Variants in SDK1 observed in about 807,000 individuals in gnomAD.
SDK1 encodes sidekick cell adhesion molecule 1, also known as protein sidekick-1.
Under a neutral mutation model 245.5 loss-of-function variants are expected in SDK1, and 157 were observed. The ratio of observed to expected loss-of-function variants is 0.64; its 90% CI spans 0.56 to 0.73. SDK1 has a LOEUF of 0.73. Ranked by LOEUF, SDK1 falls within the 30% of genes least tolerant of loss-of-function variation. The probability of loss-of-function intolerance (pLI) is 0.00; values close to 1 mark genes in which losing one functional copy is unlikely to be tolerated. For synonymous variants in SDK1, 1,647 were observed against 1,278.5 expected (o/e 1.29, Z -6.15); for missense variants, 3,583 against 3,002.3 (o/e 1.19, Z -4.52).
chr7:4,190,921 C>G (rs899155697), intron 35 of SDK1, among the ~76,000 whole-genome samples: 1 of 152,172 alleles, frequency 6.6e-6, no homozygotes, highest in Non-Finnish European at 1.5e-5. Flanking sequence ...CGGGGAGGCT[C>G]CTTGCCCACA....
chr7:3,894,401 A>T (rs1380990802), intron 5 of SDK1, among the ~76,000 whole-genome samples: 1 of 151,766 alleles, frequency 6.6e-6, no homozygotes, highest in Non-Finnish European at 1.5e-5. Context: ...CCTGTACTGG[A>T]AGCTCCTGAC....
intron 1 of SDK1, among the ~76,000 whole-genome samples, chr7:3,358,184 G>A (rs374148775): frequency 4.6e-5 from 7 of 151,950 alleles, no homozygotes; most frequent in East Asian, 1.9e-4. Flanking sequence ...ACCACCCCCA[G>A]CTAATTTTTG....
chr7:3,968,118 G>A (rs1782216959), intron 10 of SDK1, among the ~76,000 whole-genome samples: 2 of 152,244 alleles, frequency 1.3e-5, no homozygotes, highest in African/African-American at 2.4e-5. Context: ...ACTGTTAAGT[G>A]GAGCTCTTCC....
intron 35 of SDK1, among the ~76,000 whole-genome samples, chr7:4,182,925 T>C (rs1214217809): frequency 6.6e-6 from 1 of 152,216 alleles, no homozygotes; most frequent in Non-Finnish European, 1.5e-5. Context: ...ACTGAGCCCA[T>C]GGTATTGCAG....
chr7:4,139,828 A>G (rs16871110), intron 28 of SDK1, among the ~76,000 whole-genome samples: 2,072 of 152,176 alleles, frequency 0.014, 52 homozygotes, highest in African/African-American at 0.047. Flanking sequence ...GCACCGCATC[A>G]GAGGGCCTCG....
intron 1 of SDK1, among the ~76,000 whole-genome samples, chr7:3,556,804 A>T (rs1241820635): frequency 6.6e-6 from 1 of 152,176 alleles, no homozygotes; most frequent in Non-Finnish European, 1.5e-5. Context: ...AAATAAATAA[A>T]TAAAAATAAA....
chr7:3,577,489 C>G (rs183385592), intron 1 of SDK1, among the ~76,000 whole-genome samples: 1 of 152,120 alleles, frequency 6.6e-6, no homozygotes, highest in East Asian at 1.9e-4. Context: ...CAGGATGGCT[C>G]TTTTCATGCT....
intron 40 of SDK1, among the ~76,000 whole-genome samples, chr7:4,223,078 G>A (rs766713267): frequency 1.2e-3 from 176 of 146,666 alleles, no homozygotes; most frequent in African/African-American, 4.8e-4. Flanking sequence ...GCAAGGCTCC[G>A]TCTCAAAAAA....
At chr7:4,040,099 G>C (rs964319824) in intron 17 of SDK1, among the ~76,000 whole-genome samples, 2 of 152,196 alleles carry the variant, frequency 1.3e-5, no homozygotes, top group African/African-American at 4.8e-5. Context: ...GTGAGGAGCA[G>C]GAGGAAAGAC....
At position 4,175,525 on chromosome 7, in the gene SDK1, G is replaced by T. The variant is rs534291528; in HGVS notation, c.4937-250G>T. On this transcript the variant is annotated intron_variant, in intron 33 of 44. Transcript: ENST00000404826. Reference sequence around the variant, plus strand: ...AACTAGCATGTTTCACTGAATCAGAGTGGTAAGCACACCCCGCCTGTCCGG... The same window carrying T: ...AACTAGCATGTTTCACTGAATCAGATTGGTAAGCACACCCCGCCTGTCCGG... 1.6e-3 allele frequency among the ~76,000 whole-genome samples: 247 copies of T among 152,360 alleles called. 1 individual carries two copies. The highest frequency in any genetic ancestry group is 2.6e-3 in the Admixed American group (40 of 15,304).
chr7:4,235,990 G>C (rs998668782), intron 41 of SDK1, among the ~76,000 whole-genome samples: 1 of 152,242 alleles, frequency 6.6e-6, no homozygotes, highest in African/African-American at 2.4e-5. Context: ...TTGCCGCATG[G>C]AGTACCAAAT....
At chr7:3,445,687 C>T (rs1780321839) in intron 1 of SDK1, among the ~76,000 whole-genome samples, 2 of 152,124 alleles carry the variant, frequency 1.3e-5, no homozygotes, top group Non-Finnish European at 2.9e-5. Context: ...CTTCCTTGAA[C>T]TCTTCTTACC....
At chr7:4,154,005 T>G (rs1780565918) in intron 30 of SDK1, among the ~76,000 whole-genome samples, 2 of 152,114 alleles carry the variant, frequency 1.3e-5, no homozygotes, top group Admixed American at 1.3e-4. Flanking sequence ...AAGAAACATT[T>G]TTAGTGCCTT....
rs187512913 is a variant in SDK1, at chr7:3,566,525, G to A, written c.299-52555G>A. Among the ~76,000 whole-genome samples, 254 of 152,008 alleles carry A rather than the reference G, an allele frequency of 1.7e-3. 1 individual carries two copies. Among genetic ancestry groups the A allele is most frequent in the African/African-American group, 5.9e-3 (243 of 41,468 alleles). ...CAGGCGTGAGCCACCACGCCCGGCCGATAAACTTCTTAAAAACATAAAGCA... is the reference window on the plus strand; with the variant it reads ...CAGGCGTGAGCCACCACGCCCGGCCAATAAACTTCTTAAAAACATAAAGCA... On this transcript the variant is annotated intron_variant, in intron 1 of 44. Transcript: ENST00000404826.
chr7:3,474,923 C>A (rs950491966), intron 1 of SDK1, among the ~76,000 whole-genome samples: 1 of 152,122 alleles, frequency 6.6e-6, no homozygotes, highest in African/African-American at 2.4e-5. Context: ...AACTCCTGGG[C>A]TCAAGTGAGC....
intron 1 of SDK1, among the ~76,000 whole-genome samples, chr7:3,371,946 G>C (rs1318102714): frequency 6.6e-6 from 1 of 152,178 alleles, no homozygotes; most frequent in African/African-American, 2.4e-5. Flanking sequence ...AGATAGAGCA[G>C]GTTGTGAAGA....
chr7:3,895,520 G>C (rs1781580554), intron 5 of SDK1, among the ~76,000 whole-genome samples: 1 of 152,220 alleles, frequency 6.6e-6, no homozygotes, highest in African/African-American at 2.4e-5. Context: ...TGGATGTAAA[G>C]CTGGAGACAG....
chr7:3,712,013 A>G (rs1040234047), intron 4 of SDK1, among the ~76,000 whole-genome samples: 3 of 152,214 alleles, frequency 2.0e-5, no homozygotes, highest in African/African-American at 7.2e-5. Flanking sequence ...ACAGTTCCAT[A>G]AGAACATGCA....
intron 1 of SDK1, among the ~76,000 whole-genome samples, chr7:3,440,861 G>T (rs1240864469): frequency 1.3e-5 from 2 of 152,152 alleles, no homozygotes. Flanking sequence ...ATTTGTGAGT[G>T]GAAGATACGA....
Sources: allele counts gnomAD v4.1 joint callset (sites outside exome capture counted in the v4.1 genomes callset), GRCh38; gene constraint gnomAD v4.1.1; transcripts MANE v1.5; gene names NCBI Gene and HGNC (gene_info 2026-07-23, HGNC 2026-07-21).